Variants in TMCC1 observed in about 807,000 individuals in gnomAD.
TMCC1 encodes transmembrane and coiled-coil domains protein 1.
A neutral mutation model predicts 52.4 loss-of-function variants in TMCC1; 15 were observed. The ratio of observed to expected loss-of-function variants is 0.29; its 90% CI spans 0.19 to 0.44. The LOEUF (loss-of-function observed/expected upper bound fraction) is 0.44. Ranked by LOEUF, TMCC1 falls within the 20% of genes least tolerant of loss-of-function variation. TMCC1 has a pLI of 1.00. For synonymous variants in TMCC1, 279 were observed against 301.9 expected, an observed-to-expected ratio of 0.92 and a Z score of 0.79; for missense variants, 503 against 806.0, an observed-to-expected ratio of 0.62 and a Z score of 4.55.
intron 4 of TMCC1, among the ~76,000 whole-genome samples, chr3:129,683,932 T>C (rs1006738955): frequency 3.9e-5 from 6 of 152,210 alleles, no homozygotes; most frequent in Non-Finnish European, 8.8e-5. Flanking sequence ...TTATCTTTCC[T>C]AAAATCTGTA....
intron 4 of TMCC1, among the ~76,000 whole-genome samples, chr3:129,761,669 A>G (rs2053606320): frequency 6.6e-6 from 1 of 152,130 alleles, no homozygotes; most frequent in Non-Finnish European, 1.5e-5. Flanking sequence ...TAGATTAACA[A>G]GAGACTCCAA....
chr3:129,815,483 A>T (rs893182846), intron 4 of TMCC1, among the ~76,000 whole-genome samples: 3 of 152,246 alleles, frequency 2.0e-5, no homozygotes, highest in African/African-American at 7.2e-5. Flanking sequence ...AAAGGCACCA[A>T]GAACATACAA....
intron 4 of TMCC1, among the ~76,000 whole-genome samples, chr3:129,721,892 A>ACAAG (rs56912591): frequency 4.7e-5 from 7 of 149,236 alleles, no homozygotes; most frequent in Admixed American, 6.7e-5. Context: ...AAACAAACAA[A>ACAAG]AAACACAAAG....
chr3:129,859,928 A>G (rs1319555901), intron 2 of TMCC1, among the ~76,000 whole-genome samples: 4 of 152,214 alleles, frequency 2.6e-5, no homozygotes, highest in Non-Finnish European at 5.9e-5. Flanking sequence ...CTAGGAAGCT[A>G]CATGGCAACT....
intron 4 of TMCC1, among the ~76,000 whole-genome samples, chr3:129,784,305 A>G (rs1298637727): frequency 2.0e-5 from 3 of 152,188 alleles, no homozygotes; most frequent in Admixed American, 1.3e-4. Context: ...TAGGCTGGGC[A>G]TGGTGGCTCG....
At chr3:129,877,079 T>C (rs1577192226) in intron 2 of TMCC1, among the ~76,000 whole-genome samples, 1 of 152,246 alleles carries the variant, frequency 6.6e-6, no homozygotes, top group Non-Finnish European at 1.5e-5. Context: ...AATCTTCTCC[T>C]GCCAAGAACA....
chr3:129,651,895 A>AATCAATTTATAAAT lies in TMCC1; in HGVS notation c.1648-101_1648-100insATTTATAAATTGAT. The AATCAATTTATAAAT allele has an allele frequency of 8.0e-7, 1 of 1,256,484 alleles. No homozygotes were observed. The highest frequency in any genetic ancestry group is 1.1e-6 in the Non-Finnish European group (1 of 925,440). 77.8% of individuals were successfully genotyped at this position (1,256,484 alleles called of 1,614,324 possible). A position where few individuals can be genotyped will look rare whatever the true frequency, so the allele number is the denominator to read the frequency against. ...AGCCAGATGCATCTTGAGCAATGCC[A>AATCAATTTATAAAT]ATGATTTTATAAATATGCTGGAGCC... On this transcript the variant is annotated intron_variant, in intron 6 of 6. Coordinates refer to ENST00000393238, the MANE Select transcript of TMCC1 (RefSeq NM_001017395.5). This position sits in a 1 kb window ranked among gnomAD's most constrained non-coding sequence, Gnocchi z 5.1.
chr3:129,737,346 TGGCACACA>T (rs1307638210), intron 4 of TMCC1, among the ~76,000 whole-genome samples: 2 of 152,104 alleles, frequency 1.3e-5, no homozygotes, highest in Non-Finnish European at 2.9e-5. Context: ...CTGGGCGTGG[TGGCACACA>T]CCTGTAATCG....
chr3:129,724,680 A>C (rs953690236), intron 4 of TMCC1, among the ~76,000 whole-genome samples: 1 of 152,356 alleles, frequency 6.6e-6, no homozygotes, highest in East Asian at 1.9e-4. Context: ...GAAGAGGGGC[A>C]CTAAAAAAGG....
chr3:129,683,081 C>T (rs1319246929), intron 4 of TMCC1, among the ~76,000 whole-genome samples: 8 of 152,192 alleles, frequency 5.3e-5, no homozygotes, highest in Admixed American at 1.3e-4. Context: ...GTGATCCGCC[C>T]GCCTTGGCCT....
At chr3:129,682,916 A>G (rs772910406) in intron 4 of TMCC1, among the ~76,000 whole-genome samples, 2 of 152,152 alleles carry the variant, frequency 1.3e-5, no homozygotes, top group South Asian at 2.1e-4. Context: ...GCTCACCGCA[A>G]TCTCCGCCTC....
chr3:129,658,026 C>A (rs954758984), intron 5 of TMCC1, among the ~76,000 whole-genome samples: 3 of 152,190 alleles, frequency 2.0e-5, no homozygotes, highest in Non-Finnish European at 2.9e-5. Context: ...GTTCACTGTA[C>A]AACAATATAT....
chr3:129,794,138 G>A (rs1286960546), intron 4 of TMCC1, among the ~76,000 whole-genome samples: 4 of 152,210 alleles, frequency 2.6e-5, no homozygotes, highest in African/African-American at 7.2e-5. Context: ...ATCTGGGGCT[G>A]CCAGTGCAGT....
chr3:129,881,548 G>C (rs534586823), intron 1 of TMCC1, among the ~76,000 whole-genome samples: 2 of 152,092 alleles, frequency 1.3e-5, no homozygotes, highest in Non-Finnish European at 2.9e-5. Context: ...AAGTTGACAT[G>C]AAAACAAAGG....
chr3:129,879,944 T>A (rs945740821), intron 2 of TMCC1, among the ~76,000 whole-genome samples: 2 of 152,076 alleles, frequency 1.3e-5, no homozygotes, highest in African/African-American at 4.8e-5. Flanking sequence ...GAAGCTGAGG[T>A]GGGGGATCAC....
intron 4 of TMCC1, among the ~76,000 whole-genome samples, chr3:129,690,788 G>T (rs527575361): frequency 2.6e-5 from 4 of 152,268 alleles, no homozygotes; most frequent in African/African-American, 9.6e-5. Flanking sequence ...AGCAGACTTT[G>T]TGTCTGCTTT....
chr3:129,871,179 T>C (rs1379641371), intron 2 of TMCC1, among the ~76,000 whole-genome samples: 8 of 151,914 alleles, frequency 5.3e-5, no homozygotes, highest in Non-Finnish European at 1.5e-5. Flanking sequence ...GCCAACATAG[T>C]AAAACCCCAT....
At chr3:129,743,843 C>T (rs1448159723) in intron 4 of TMCC1, among the ~76,000 whole-genome samples, 2 of 151,802 alleles carry the variant, frequency 1.3e-5, no homozygotes, top group Non-Finnish European at 2.9e-5. Context: ...AACTCATTTT[C>T]CAATCAAGTT....
At chr3:129,723,931 T>TA (rs1553846291) in intron 4 of TMCC1, among the ~76,000 whole-genome samples, 6 of 150,610 alleles carry the variant, frequency 4.0e-5, no homozygotes, top group South Asian at 2.1e-4. Context: ...TTTTTTTTTT[T>TA]AAAAGACAGA....
Sources: allele counts gnomAD v4.1 joint callset (sites outside exome capture counted in the v4.1 genomes callset), GRCh38; gene constraint gnomAD v4.1.1; non-coding constraint Gnocchi (gnomAD v3.1); transcripts MANE v1.5; gene names NCBI Gene and HGNC (gene_info 2026-07-23, HGNC 2026-07-21).